PCDH15: variants seen among roughly 807,000 people sequenced by gnomAD.
PCDH15 encodes protocadherin-15.
In PCDH15, 129 loss-of-function variants were observed where a neutral mutation model predicts 178.5. The observed-to-expected ratio is 0.72, with a 90% CI of 0.63 to 0.84. PCDH15 has a LOEUF of 0.84. Ranked by LOEUF, PCDH15 falls within the 40% of genes least tolerant of loss-of-function variation. The pLI is 0.00. For missense variants in PCDH15, 2,230 were observed against 2,099.9 expected (o/e 1.06, Z -1.21); for synonymous variants, 800 against 732.0 (o/e 1.09, Z -1.50).
intron 25 of PCDH15, among the ~76,000 whole-genome samples, chr10:53,926,814 A>G (rs1443030435): frequency 6.6e-6 from 1 of 151,886 alleles, no homozygotes; most frequent in East Asian, 1.9e-4. Flanking sequence ...TGTCTCTTGT[A>G]TATCAATTAG....
At chr10:54,756,069 A>ACC (rs1947057341) in intron 1 of PCDH15, among the ~76,000 whole-genome samples, 1 of 143,650 alleles carries the variant, frequency 7.0e-6, no homozygotes, top group Admixed American at 7.2e-5. Flanking sequence ...ACACACACAC[A>ACC]CACACACACA....
intron 2 of PCDH15, among the ~76,000 whole-genome samples, chr10:55,496,031 G>A (rs1324348341): frequency 2.0e-5 from 3 of 151,854 alleles, no homozygotes; most frequent in Non-Finnish European, 2.9e-5. Context: ...GAGGTTCAAA[G>A]GGATGTGAAG....
chr10:54,351,643 C>G (rs1232897089), intron 5 of PCDH15, among the ~76,000 whole-genome samples: 1 of 152,138 alleles, frequency 6.6e-6, no homozygotes, highest in Non-Finnish European at 1.5e-5. Flanking sequence ...CCTGCCTGTT[C>G]CTGGTTCCTC....
chr10:55,564,201 T>G (rs867817506), intron 2 of PCDH15, among the ~76,000 whole-genome samples: 13 of 151,892 alleles, frequency 8.6e-5, no homozygotes, highest in Middle Eastern at 6.8e-3. Flanking sequence ...ATTATGTTTT[T>G]GAATGCACAA....
At chr10:54,745,164 G>C (rs1294835950) in intron 1 of PCDH15, among the ~76,000 whole-genome samples, 1 of 152,014 alleles carries the variant, frequency 6.6e-6, no homozygotes, top group Non-Finnish European at 1.5e-5. Flanking sequence ...AATTCACCGG[G>C]TTATGGTTGT....
At chr10:54,906,054 C>G (rs1293131217) in intron 2 of PCDH15, among the ~76,000 whole-genome samples, 1 of 152,084 alleles carries the variant, frequency 6.6e-6, no homozygotes, top group Non-Finnish European at 1.5e-5. Context: ...AAATCTTTCT[C>G]TCACCCTAAG....
chr10:54,715,858 G>C (rs1402443491), intron 1 of PCDH15, among the ~76,000 whole-genome samples: 1 of 152,082 alleles, frequency 6.6e-6, no homozygotes, highest in Non-Finnish European at 1.5e-5. Flanking sequence ...GCAGGCATTT[G>C]ACACACACAT....
intron 3 of PCDH15, among the ~76,000 whole-genome samples, chr10:54,468,954 A>G (rs1447875549): frequency 1.3e-5 from 2 of 152,162 alleles, no homozygotes; most frequent in African/African-American, 2.4e-5. Flanking sequence ...ATATAACTGT[A>G]GCTACTCCTG....
rs375058621 is a variant in PCDH15, at chr10:54,373,269, T to A, written c.319-3994A>T. On this transcript the variant is annotated intron_variant, in intron 4 of 37. Transcript: ENST00000644397. ...AAAGTATAGGCAAAGTTTGTCTAAT[T>A]CTCAGGAGTGAATTTTTTTTGTCAT... 2.0e-4 allele frequency among the ~76,000 whole-genome samples: 25 copies of A among 126,016 alleles called. No homozygotes were observed. In the East Asian group the frequency reaches 9.7e-3, roughly 49 times the overall value. The allele number at this position is 126,016 out of a possible 152,430, so 82.7% of individuals were successfully genotyped here.
intron 2 of PCDH15, among the ~76,000 whole-genome samples, chr10:55,521,034 T>C (rs930509837): frequency 1.3e-5 from 2 of 151,958 alleles, no homozygotes; most frequent in East Asian, 1.9e-4. Flanking sequence ...ATGCTGTATA[T>C]TAGACTCCCC....
chr10:53,822,427 G>A (rs1259987014), intron 32 of PCDH15: 1 of 1,580,474 alleles, frequency 6.3e-7, no homozygotes. Flanking sequence ...TCAGGAGGAG[G>A]AGCAAGAGGA....
At chr10:55,226,446 AC>A (rs1841045606) in intron 1 of PCDH15, among the ~76,000 whole-genome samples, 1 of 151,704 alleles carries the variant, frequency 6.6e-6, no homozygotes, top group Admixed American at 6.6e-5. Flanking sequence ...CAACCCTGCA[AC>A]CCTGCAACCC....
At chr10:55,318,678 AT>A (rs1391180976) in intron 1 of PCDH15, among the ~76,000 whole-genome samples, 1 of 152,208 alleles carries the variant, frequency 6.6e-6, no homozygotes, top group Non-Finnish European at 1.5e-5. Flanking sequence ...AATGTAAAAA[AT>A]AATATGATGA....
At chr10:54,800,101 A>G (rs1322766862) in intron 1 of PCDH15, among the ~76,000 whole-genome samples, 1 of 152,148 alleles carries the variant, frequency 6.6e-6, no homozygotes, top group Non-Finnish European at 1.5e-5. Context: ...CTAGTTAACA[A>G]TGGCTTTCTG....
At chr10:53,994,443 C>T (rs1267629939) in intron 21 of PCDH15, 1 of 151,984 alleles carries the variant, frequency 6.6e-6, no homozygotes, top group African/African-American at 2.4e-5. Context: ...TTCTTGAGAG[C>T]AAAAACTGGT....
At chr10:54,086,250 A>T (rs1165266973) in intron 16 of PCDH15, among the ~76,000 whole-genome samples, 1 of 152,222 alleles carries the variant, frequency 6.6e-6, no homozygotes, top group East Asian at 1.9e-4. Flanking sequence ...GTGAGAAAGG[A>T]AGCAAGAAAG....
chr10:54,523,253 A>C (rs1255220827), intron 3 of PCDH15, among the ~76,000 whole-genome samples: 1 of 152,188 alleles, frequency 6.6e-6, no homozygotes, highest in Non-Finnish European at 1.5e-5. Context: ...GGATTTTTTA[A>C]AAAAGCACTC....
chr10:55,443,801 T>C (rs1839251484), intron 2 of PCDH15, among the ~76,000 whole-genome samples: 1 of 152,172 alleles, frequency 6.6e-6, no homozygotes, highest in Non-Finnish European at 1.5e-5. Flanking sequence ...CCCAAAGGAT[T>C]ATAAATCATT....
At chr10:54,635,590 T>A (rs1367473197) in intron 2 of PCDH15, among the ~76,000 whole-genome samples, 1 of 151,910 alleles carries the variant, frequency 6.6e-6, no homozygotes, top group Non-Finnish European at 1.5e-5. Flanking sequence ...CATTCTTTTA[T>A]CTCTTTTAAT....
Sources: allele counts gnomAD v4.1 joint callset (sites outside exome capture counted in the v4.1 genomes callset), GRCh38; gene constraint gnomAD v4.1.1; transcripts MANE v1.5; gene names NCBI Gene and HGNC (gene_info 2026-07-23, HGNC 2026-07-21).